Variants in ADGRL2 observed in about 807,000 individuals in gnomAD.
ADGRL2 encodes the protein calcium-independent alpha-latrotoxin receptor 2.
A neutral mutation model predicts 157.4 loss-of-function variants in ADGRL2; 44 were observed. The observed-to-expected ratio is 0.28, with a 90% confidence interval of 0.22 to 0.36. The LOEUF (loss-of-function observed/expected upper bound fraction) is 0.36, where lower values mean the gene tolerates loss of function less well. Among genes scored for constraint, ADGRL2 ranks in the 10% least tolerant of loss-of-function variants. The pLI, the probability that ADGRL2 is intolerant of heterozygous loss-of-function variation, is 1.00. For synonymous variants in ADGRL2, 585 were observed against 624.7 expected (o/e 0.94, Z 0.95); for missense variants, 1,510 against 1,768.9 (o/e 0.85, Z 2.63).
chr1:81,499,212 T>C (rs1390174335), intron 2 of ADGRL2, among the ~76,000 whole-genome samples: 1 of 152,272 alleles, frequency 6.6e-6, no homozygotes, highest in Non-Finnish European at 1.5e-5. Flanking sequence ...TACAATGTTA[T>C]ACTCTTTGGT....
In ADGRL2 at chr1:81,545,984, A is replaced by G. The variant is rs2080007390; in HGVS notation, c.-247-34892A>G. ...TCTCTGCTGTCGGCAGGCCTGGATC[A>G]GCTGTTTATCCTGCCACTGGGTGCG... On this transcript the variant is annotated intron_variant, in intron 2 of 24. Coordinates refer to the ADGRL2 transcript ENST00000370721. Among the ~76,000 whole-genome samples, 3 of 152,278 alleles carry G rather than the reference A, an allele frequency of 2.0e-5. No homozygotes were observed. The East Asian group carries it at 5.8e-4, about 29-fold the overall frequency.
chr1:81,418,515 G>A (rs1196099653), intron 1 of ADGRL2, among the ~76,000 whole-genome samples: 2 of 152,206 alleles, frequency 1.3e-5, no homozygotes, highest in Non-Finnish European at 2.9e-5. Context: ...ACTTTGGGAG[G>A]CCGAGGCAGG....
intron 1 of ADGRL2, among the ~76,000 whole-genome samples, chr1:81,334,144 G>A (rs1337352388): frequency 6.6e-6 from 1 of 152,154 alleles, no homozygotes; most frequent in Non-Finnish European, 1.5e-5. Flanking sequence ...ATAGCATAAT[G>A]GTTAATAGCA....
At chr1:81,346,616 C>T (rs1202825193) in intron 1 of ADGRL2, among the ~76,000 whole-genome samples, 1 of 152,172 alleles carries the variant, frequency 6.6e-6, no homozygotes, top group African/African-American at 2.4e-5. Context: ...AGATCTCTCA[C>T]TTTCTCTCCC....
At chr1:81,507,456 T>C (rs2078998300) in intron 2 of ADGRL2, among the ~76,000 whole-genome samples, 1 of 152,174 alleles carries the variant, frequency 6.6e-6, no homozygotes, top group Non-Finnish European at 1.5e-5. Flanking sequence ...TATTTACAAA[T>C]TGTTTGCTCC....
In ADGRL2 at chr1:81,950,615, C is replaced by G. The variant is rs968969206; in HGVS notation, c.1504+133C>G. 2.4e-5 allele frequency: 20 copies of G among 825,064 alleles called. No individual in the cohort carries two copies. In the East Asian group the frequency reaches 5.1e-4, roughly 21 times the overall value. 51.1% of individuals were successfully genotyped at this position (825,064 alleles called of 1,614,324 possible). A position where few individuals can be genotyped will look rare whatever the true frequency, so the allele number is the denominator to read the frequency against. ...TTATTTTTGTACTTTGGTAATATAACATCTATGGACAAAGTTTTTTAAACT... is the reference window on the plus strand; with the variant it reads ...TTATTTTTGTACTTTGGTAATATAAGATCTATGGACAAAGTTTTTTAAACT... On this transcript the variant is annotated intron_variant, in intron 7 of 23. Coordinates refer to ENST00000686636, the MANE Select transcript of ADGRL2 (RefSeq NM_001366006.2).
At chr1:81,658,886 G>A (rs2082592024) in intron 3 of ADGRL2, among the ~76,000 whole-genome samples, 1 of 151,554 alleles carries the variant, frequency 6.6e-6, no homozygotes, top group Non-Finnish European at 1.5e-5. Context: ...TGAGTAGCTG[G>A]GATTACAGGC....
intron 3 of ADGRL2, among the ~76,000 whole-genome samples, chr1:81,681,614 G>A (rs1438346729): frequency 6.6e-6 from 1 of 152,146 alleles, no homozygotes; most frequent in Non-Finnish European, 1.5e-5. Flanking sequence ...CTTTCCAAAA[G>A]CAATCTGTGT....
chr1:81,927,263 TTC>T (rs1432615327), intron 3 of ADGRL2, among the ~76,000 whole-genome samples: 3 of 151,978 alleles, frequency 2.0e-5, no homozygotes, highest in Non-Finnish European at 2.9e-5. Flanking sequence ...AGTGAGGACT[TTC>T]TGTTTCTCTT....
rs143448377 is a variant in ADGRL2, at chr1:81,990,481, G to T, written c.3746G>T (p.Gly1249Val). The T allele has an allele frequency of 1.3e-3, 2,130 of 1,614,078 alleles. 20 individuals are homozygous for T. The highest frequency in any genetic ancestry group is 0.01 in the Middle Eastern group (62 of 6,062). Residue 1249 changes from glycine to valine, a missense_variant, in exon 24 of 24, where the codon GGT (glycine) becomes GTT (valine). Physicochemically the swap from Gly to Val is moderately radical, Grantham distance 109 (BLOSUM62 -3). Around this residue, in one of 4 missense-constraint regions of ADGRL2, gnomAD observed 327 missense variants for 310.1 expected, o/e 1.05. Coordinates refer to ENST00000686636, the MANE Select transcript of ADGRL2 (RefSeq NM_001366006.2). ...NFNNSYSLHKGDYNDSVQVVD... is the reference protein window; with the variant it reads ...NFNNSYSLHKVDYNDSVQVVD... ...AACAACAGCTACTCGCTGCACAAGGGTGACTATAATGACAGCGTGCAAGTT... is the reference window on the plus strand; with the variant it reads ...AACAACAGCTACTCGCTGCACAAGGTTGACTATAATGACAGCGTGCAAGTT...
intron 2 of ADGRL2, among the ~76,000 whole-genome samples, chr1:81,543,610 C>T (rs1016676613): frequency 2.0e-5 from 3 of 152,206 alleles, no homozygotes; most frequent in Non-Finnish European, 4.4e-5. Context: ...GAATTAACAT[C>T]GCCTTTCACT....
chr1:81,765,890 T>A (rs1343332073), intron 2 of ADGRL2, among the ~76,000 whole-genome samples: 1 of 152,132 alleles, frequency 6.6e-6, no homozygotes, highest in African/African-American at 2.4e-5. Context: ...TTATCAAGTG[T>A]CAATTTTTAG....
At chr1:81,460,195 G>A (rs2077897018) in intron 2 of ADGRL2, among the ~76,000 whole-genome samples, 3 of 151,548 alleles carry the variant, frequency 2.0e-5, no homozygotes, top group South Asian at 2.1e-4. Context: ...ATGCTTTTTA[G>A]TTTGATGTCC....
intron 2 of ADGRL2, chr1:81,503,571 C>T: frequency 7.4e-7 from 1 of 1,351,694 alleles, no homozygotes. Context: ...CGACGAGCAC[C>T]ATTTGGCCAG....
intron 6 of ADGRL2, among the ~76,000 whole-genome samples, chr1:81,945,937 G>C (rs187416829): frequency 6.6e-6 from 1 of 151,924 alleles, no homozygotes; most frequent in African/African-American, 2.4e-5. Context: ...TCTGATCCAA[G>C]ATGTGTGCTA....
At chr1:81,601,005 G>A (rs146761814) in intron 3 of ADGRL2, among the ~76,000 whole-genome samples, 4 of 152,244 alleles carry the variant, frequency 2.6e-5, no homozygotes, top group East Asian at 1.9e-4. Context: ...GCTGCTGATC[G>A]ACACTCAAGT....
At chr1:81,863,702 A>G (rs532942639) in intron 2 of ADGRL2, among the ~76,000 whole-genome samples, 2 of 152,316 alleles carry the variant, frequency 1.3e-5, no homozygotes, top group South Asian at 4.1e-4. Flanking sequence ...GAAACCAGGT[A>G]TCATATATTG....
intron 1 of ADGRL2, among the ~76,000 whole-genome samples, chr1:81,752,638 C>A (rs2085527698): frequency 6.6e-6 from 1 of 152,138 alleles, no homozygotes; most frequent in Non-Finnish European, 1.5e-5. Context: ...ATCCTGCCAC[C>A]TTAGCCTCCT....
Position 81,979,928 on chromosome 1 carries a change from GA to G in ADGRL2, c.3084del (p.Lys1028AsnfsTer41). ...AAATGGTGAAGCATTCAAACACTTT[GA>G]AACCAGATTCTAGCAGGTTGGAAAA... ...CKMVKHSNTLKPDSSRLENIK... is the reference protein window; with the variant it reads ...CKMVKHSNTLXPDSSRLENIK... On this transcript the variant is annotated frameshift_variant, in exon 18 of 24. Transcript: ENST00000686636. LOFTEE classifies it high-confidence loss of function. 1 of 1,606,550 alleles carries G rather than the reference GA, an allele frequency of 6.2e-7. No individual in the cohort carries two copies. The highest frequency in any genetic ancestry group is 8.5e-7 in the Non-Finnish European group (1 of 1,174,360).
Sources: gnomAD v4.1 joint callset for allele counts (sites outside exome capture counted in the v4.1 genomes callset) on GRCh38, gnomAD v4.1.1 for gene constraint, gnomAD v4.1.1 regional missense constraint, MANE v1.5 for transcripts, NCBI Gene and HGNC (gene_info 2026-07-23, HGNC 2026-07-21) for gene names.